Variants in ADAM9 observed in about 807,000 individuals in gnomAD.
The protein encoded by ADAM9 is disintegrin and metalloproteinase domain-containing protein 9.
In ADAM9, 54 loss-of-function variants were observed where a neutral mutation model predicts 108.1. That is an observed-to-expected ratio of 0.50 (90% CI 0.40 to 0.63). The LOEUF (loss-of-function observed/expected upper bound fraction) is 0.63. Ranked by LOEUF, ADAM9 falls within the 20% of genes least tolerant of loss-of-function variation. The probability of loss-of-function intolerance (pLI) is 0.00; values close to 1 mark genes in which losing one functional copy is unlikely to be tolerated. For synonymous variants in ADAM9, 316 were observed against 336.0 expected (o/e 0.94, Z 0.65); for missense variants, 830 against 997.7 (o/e 0.83, Z 2.26).
chr8:39,054,525 T>TA lies in ADAM9; in HGVS notation c.1350dup (p.Ser451IlefsTer4). 1 of 1,610,080 alleles carries TA rather than the reference T, an allele frequency of 6.2e-7. No individual in the cohort carries two copies. ...GCTGCGAAGGAAGTACCTGTAAGCT[T>TA]AAATCATTTGCTGAGTGTGCATATG... On this transcript the variant is annotated frameshift_variant, in exon 13 of 22. Transcript: ENST00000487273. LOFTEE classifies it high-confidence loss of function.
At position 39,104,499 on chromosome 8, in the gene ADAM9, A is replaced by G. The variant is rs1839803544; in HGVS notation, c.*799A>G. The G allele has an allele frequency of 2.6e-6, 1 of 382,066 alleles. No individual in the cohort carries two copies. Among genetic ancestry groups the G allele is most frequent in the Non-Finnish European group, 5.1e-6 (1 of 197,772 alleles). The allele number at this position is 382,066 out of a possible 1,614,324, so 23.7% of individuals were successfully genotyped here. A position where few individuals can be genotyped will look rare whatever the true frequency, so the allele number is the denominator to read the frequency against. ...CTTTAAGGTACGAAGTATTTAATAG[A>G]TCTAATCAAATATGTTGATTCATGG... On this transcript the variant is annotated 3_prime_UTR_variant, in exon 22 of 22. Coordinates refer to ENST00000487273, the MANE Select transcript of ADAM9 (RefSeq NM_003816.3).
intron 11 of ADAM9, among the ~76,000 whole-genome samples, chr8:39,034,921 C>T (rs1426255458): frequency 6.6e-6 from 1 of 152,132 alleles, no homozygotes; most frequent in African/African-American, 2.4e-5. Flanking sequence ...TATATGTCTT[C>T]ATATCCTGCT....
At chr8:39,042,181 C>A in intron 12 of ADAM9, 64 bp downstream of exon 12, 1 of 1,587,924 alleles carries the variant, frequency 6.3e-7, no homozygotes, top group Non-Finnish European at 8.6e-7. Context: ...AATAAAATGG[C>A]TTGCTTTGGG....
intron 18 of ADAM9, among the ~76,000 whole-genome samples, chr8:39,086,212 A>G (rs1839176883): frequency 6.6e-6 from 1 of 151,958 alleles, no homozygotes; most frequent in Admixed American, 6.6e-5. Context: ...ACAGGGTTTT[A>G]CGCTGTTGGC....
intron 12 of ADAM9, among the ~76,000 whole-genome samples, chr8:39,044,649 T>C (rs1162335393): frequency 6.6e-6 from 1 of 151,618 alleles, no homozygotes; most frequent in African/African-American, 2.4e-5. Context: ...CTTTTGGAGT[T>C]ACCCAGTGTC....
rs144550313 is a variant in ADAM9, at chr8:39,077,787, C to T, written c.1881+376C>T. Among the ~76,000 whole-genome samples the T allele has an allele frequency of 6.1e-3, 923 of 152,310 alleles. 3 individuals carry two copies. Among genetic ancestry groups the T allele is most frequent in the Non-Finnish European group, 9.4e-3 (639 of 68,032 alleles). On this transcript the variant is annotated intron_variant, in intron 16 of 21. Transcript: ENST00000487273. ...CTGCCCATGTTCCTGACCACCTGAG[C>T]TCTGCTGTTTGGATTAGATAGAAGG...
intron 21 of ADAM9, among the ~76,000 whole-genome samples, chr8:39,103,350 G>C (rs1317138970): frequency 7.8e-6 from 1 of 128,764 alleles, no homozygotes; most frequent in Non-Finnish European, 1.7e-5. Flanking sequence ...TTTTTTTTTT[G>C]AAAAAACATG....
intron 10 of ADAM9, among the ~76,000 whole-genome samples, chr8:39,026,282 G>A (rs1836918744): frequency 6.6e-6 from 1 of 152,168 alleles, no homozygotes; most frequent in Admixed American, 6.5e-5. Flanking sequence ...AGGCCCCGGT[G>A]TGTGATGTTC....
In ADAM9 at chr8:39,041,819, G is replaced by A; in HGVS notation, c.1131-127G>A. 6.2e-6 allele frequency: 5 copies of A among 803,284 alleles called. No homozygotes were observed. The South Asian group carries it at 8.0e-5, about 13-fold the overall frequency. 49.8% of individuals were successfully genotyped at this position (803,284 alleles called of 1,614,324 possible). A position where few individuals can be genotyped will look rare whatever the true frequency, so the allele number is the denominator to read the frequency against. On this transcript the variant is annotated intron_variant, in intron 11 of 21. Transcript: ENST00000487273. ...CAAGTAGATATGAATTCTCATTTCT[G>A]TCCACTTTTATTAGCTTCTTTTCTG... is the stretch of plus-strand genomic sequence containing the variant.
chr8:39,101,085 G>A (rs1268909489), intron 20 of ADAM9, among the ~76,000 whole-genome samples: 1 of 152,074 alleles, frequency 6.6e-6, no homozygotes, highest in Non-Finnish European at 1.5e-5. Context: ...CATTGACATA[G>A]GAAATATGTT....
At chr8:39,020,997 T>C (rs1333462503) in intron 7 of ADAM9, among the ~76,000 whole-genome samples, 1 of 152,248 alleles carries the variant, frequency 6.6e-6, no homozygotes, top group Non-Finnish European at 1.5e-5. Flanking sequence ...TTTTGATTGC[T>C]TAAAACTCTA....
chr8:39,077,944 C>A (rs1349182889), intron 16 of ADAM9, among the ~76,000 whole-genome samples: 1 of 152,034 alleles, frequency 6.6e-6, no homozygotes, highest in Non-Finnish European at 1.5e-5. Flanking sequence ...TGTAAGAATT[C>A]GTTGGGAGAT....
intron 20 of ADAM9, among the ~76,000 whole-genome samples, chr8:39,096,971 T>G (rs1395387589): frequency 2.6e-5 from 4 of 152,200 alleles, no homozygotes; most frequent in Non-Finnish European, 5.9e-5. Context: ...TTTGAATTCT[T>G]TGGTAATTTA....
chr8:39,049,961 G>T (rs796657809), intron 12 of ADAM9, among the ~76,000 whole-genome samples: 2 of 152,252 alleles, frequency 1.3e-5, no homozygotes, highest in African/African-American at 4.8e-5. Flanking sequence ...TAATCATGAT[G>T]AACTTCCCTG....
In ADAM9 at chr8:39,047,550, C is replaced by T. The variant is rs560360243; in HGVS notation, c.1302+5433C>T. Among the ~76,000 whole-genome samples the T allele has an allele frequency of 3.0e-4, 46 of 151,754 alleles. 1 individual carries two copies. Among genetic ancestry groups the T allele is most frequent in the Middle Eastern group, 3.4e-3 (1 of 294 alleles). On this transcript the variant is annotated intron_variant, in intron 12 of 21. Coordinates refer to ENST00000487273, the MANE Select transcript of ADAM9 (RefSeq NM_003816.3). ...GGATGTGTGTTTCTAGGAATTTATC[C>T]GTTTCTTTTAGGTGATCCAGTTTGT...
intron 17 of ADAM9, 119 bp from the exon 18 acceptor site, chr8:39,082,849 C>T: frequency 1.5e-6 from 2 of 1,347,372 alleles, no homozygotes; most frequent in East Asian, 4.7e-5. Flanking sequence ...AATTTTCATT[C>T]TTAAACAGTG....
In ADAM9 at chr8:39,077,224, A is replaced by G. The variant is rs1304116995; in HGVS notation, c.1698-4A>G. ...TATGTTGCATTATTTCTCTCTCTTT[A>G]TAGGAATGCTTTGTGTGGAAAGCTT... On this transcript the variant is annotated splice_region_variant and splice_polypyrimidine_tract_variant and intron_variant, in intron 15 of 21. Coordinates refer to ENST00000487273, the MANE Select transcript of ADAM9 (RefSeq NM_003816.3). The G allele has an allele frequency of 1.2e-6, 2 of 1,613,870 alleles. No individual in the cohort carries two copies. Among genetic ancestry groups the G allele is most frequent in the Admixed American group, 1.7e-5 (1 of 60,010 alleles).
In ADAM9 at chr8:38,997,340, G is replaced by C. The variant is rs529887299; in HGVS notation, c.97+180G>C. 3.0e-4 allele frequency among the ~76,000 whole-genome samples: 45 copies of C among 152,222 alleles called. No individual in the cohort carries two copies. The East Asian group carries it at 6.8e-3, about 23-fold the overall frequency. On this transcript the variant is annotated intron_variant, in intron 1 of 21. Coordinates refer to ENST00000487273, the MANE Select transcript of ADAM9 (RefSeq NM_003816.3). ...TCGCACCCGAGGCGCGGGGTTTGGC[G>C]CCCCAAGCCCTTCTTGGCCCGGGTC... is the stretch of plus-strand genomic sequence containing the variant.
At chr8:39,055,556 A>G in intron 13 of ADAM9, 21 bp from the exon 14 acceptor site, 1 of 1,611,194 alleles carries the variant, frequency 6.2e-7, no homozygotes, top group Non-Finnish European at 8.5e-7. Flanking sequence ...TTTCTGTTTA[A>G]TTTGAATTCT....
Sources: gnomAD v4.1 joint callset for allele counts (sites outside exome capture counted in the v4.1 genomes callset) on GRCh38, gnomAD v4.1.1 for gene constraint, MANE v1.5 for transcripts, NCBI Gene and HGNC (gene_info 2026-07-23, HGNC 2026-07-21) for gene names.